Variants in RALGPS1 observed in about 807,000 individuals in gnomAD.
RALGPS1 encodes Ral GEF with PH domain and SH3 binding motif 1.
RALGPS1 carries 19 observed loss-of-function variants against 78.8 expected under a neutral mutation model. The ratio of observed to expected loss-of-function variants is 0.24; its 90% CI spans 0.17 to 0.35. The LOEUF is 0.35. Among genes scored for constraint, RALGPS1 ranks in the 10% least tolerant of loss-of-function variants. The pLI is 1.00. For missense variants in RALGPS1, 454 were observed against 688.3 expected (o/e 0.66, Z 3.81); for synonymous variants, 228 against 256.3 (o/e 0.89, Z 1.06).
chr9:126,931,422 G>A (rs1317413977), intron 1 of RALGPS1, among the ~76,000 whole-genome samples: 2 of 152,200 alleles, frequency 1.3e-5, no homozygotes, highest in Non-Finnish European at 2.9e-5. Flanking sequence ...TACATATAAA[G>A]GAGTATTATT....
At chr9:127,207,749 C>A (rs1009026139) in intron 14 of RALGPS1, among the ~76,000 whole-genome samples, 5 of 152,128 alleles carry the variant, frequency 3.3e-5, no homozygotes, top group Non-Finnish European at 7.4e-5. Context: ...GGAGGACTCA[C>A]CTGGAGGGAA....
At chr9:126,953,632 A>C (rs2038072825) in intron 1 of RALGPS1, among the ~76,000 whole-genome samples, 1 of 152,210 alleles carries the variant, frequency 6.6e-6, no homozygotes, top group Non-Finnish European at 1.5e-5. Flanking sequence ...CTTAATGTAT[A>C]TAAATCCTTT....
intron 1 of RALGPS1, among the ~76,000 whole-genome samples, chr9:126,953,119 A>G (rs2038016668): frequency 6.6e-6 from 1 of 152,138 alleles, no homozygotes; most frequent in African/African-American, 2.4e-5. Flanking sequence ...TGAAACGTTG[A>G]AGGAGAATTC....
chr9:127,125,810 G>A (rs1293366824), intron 8 of RALGPS1, among the ~76,000 whole-genome samples: 1 of 152,214 alleles, frequency 6.6e-6, no homozygotes, highest in Non-Finnish European at 1.5e-5. Flanking sequence ...ATCATTTAAT[G>A]TGTGACTTTT....
At chr9:127,197,763 C>A (rs2140627003) in intron 13 of RALGPS1, among the ~76,000 whole-genome samples, 1 of 152,260 alleles carries the variant, frequency 6.6e-6, no homozygotes, top group Non-Finnish European at 1.5e-5. Context: ...AGTTCCAGGT[C>A]ATGCATGGGG....
rs1301419758 is a variant in RALGPS1 at position 127,211,566 on chromosome 9, G to T, written c.1248-565G>T. Among the ~76,000 whole-genome samples, 2 of 152,158 alleles carry T rather than the reference G, an allele frequency of 1.3e-5. No individual in the cohort carries two copies. The highest frequency in any genetic ancestry group is 2.9e-5 in the Non-Finnish European group (2 of 68,016). ...TCCGGAGCTCAGGAGGGAGGTGTGG[G>T]CTGCCATGCCCTTGGACGCCTTCAT... On this transcript the variant is annotated intron_variant, in intron 14 of 18. Coordinates refer to ENST00000259351, the MANE Select transcript of RALGPS1 (RefSeq NM_014636.3). The surrounding 1 kb of genome is among the most constrained non-coding windows in gnomAD (Gnocchi z 5.0).
At chr9:127,189,005 A>C (rs1223321233) in intron 11 of RALGPS1, among the ~76,000 whole-genome samples, 157 of 144,296 alleles carry the variant, frequency 1.1e-3, no homozygotes, top group African/African-American at 3.6e-3. Context: ...CTCAAAAAAA[A>C]AAAAAAAAAA....
intron 8 of RALGPS1, among the ~76,000 whole-genome samples, chr9:127,123,293 T>G (rs184019488): frequency 6.6e-6 from 1 of 152,216 alleles, no homozygotes; most frequent in African/African-American, 2.4e-5. Context: ...AGGCTGAGGG[T>G]GGAGGCAGCC....
At chr9:127,213,120 T>C in intron 17 of RALGPS1, 71 bp downstream of exon 17, 1 of 1,590,806 alleles carries the variant, frequency 6.3e-7, no homozygotes, top group East Asian at 2.3e-5. Context: ...AGCGTGCATT[T>C]TGAAATTATT....
chr9:127,211,745 G>A lies in RALGPS1; in HGVS notation c.1248-386G>A, dbSNP rs2062273835. ...TCTGAGGCTCCTGCCAACACCAGAA[G>A]GAGGGGCTGCTGGAGCTGGGGCTTC... On this transcript the variant is annotated intron_variant, in intron 14 of 18. Transcript: ENST00000259351. This position sits in a 1 kb window ranked among gnomAD's most constrained non-coding sequence, Gnocchi z 5.0. Among the ~76,000 whole-genome samples the A allele has an allele frequency of 1.3e-5, 2 of 152,206 alleles. No homozygotes were observed. Among genetic ancestry groups the A allele is most frequent in the Non-Finnish European group, 2.9e-5 (2 of 68,024 alleles).
At chr9:127,184,118 G>T in intron 11 of RALGPS1, 1 of 1,451,556 alleles carries the variant, frequency 6.9e-7, no homozygotes, top group African/African-American at 1.4e-5. Flanking sequence ...TTGAGCCCAG[G>T]AGTTCAAGAC....
chr9:126,999,619 G>A (rs1375659406), intron 4 of RALGPS1, among the ~76,000 whole-genome samples: 1 of 152,124 alleles, frequency 6.6e-6, no homozygotes, highest in Non-Finnish European at 1.5e-5. Context: ...TTAGTAATAA[G>A]CATTTATGTT....
chr9:127,187,018 G>C (rs995047249), intron 11 of RALGPS1, among the ~76,000 whole-genome samples: 4 of 152,188 alleles, frequency 2.6e-5, no homozygotes, highest in African/African-American at 9.7e-5. Context: ...TGAGCAGGAA[G>C]GGCCGAAGAA....
At chr9:126,916,991 A>G (rs574727951) in intron 1 of RALGPS1, among the ~76,000 whole-genome samples, 3 of 151,998 alleles carry the variant, frequency 2.0e-5, no homozygotes, top group African/African-American at 4.8e-5. Context: ...AATGCCTCCT[A>G]CCTTCGTTGC....
Position 127,131,130 on chromosome 9 carries a change from G to A in RALGPS1, c.611-34939G>A, listed in dbSNP as rs138038821. Among the ~76,000 whole-genome samples the A allele has an allele frequency of 3.8e-3, 577 of 152,268 alleles. 4 individuals are homozygous for A. The highest frequency in any genetic ancestry group is 0.013 in the African/African-American group (547 of 41,556). On this transcript the variant is annotated intron_variant, in intron 8 of 18. Coordinates refer to ENST00000259351, the MANE Select transcript of RALGPS1 (RefSeq NM_014636.3). ...TGACTGTGGGCTGTGGGGGTGGAGG[G>A]CAATGTTGACAGGAGCCCTGTAAGC...
rs2060455405 is a variant in RALGPS1 at position 127,183,887 on chromosome 9, T to A, written c.910+9105T>A. 2.6e-6 allele frequency: 4 copies of A among 1,549,446 alleles called. No homozygotes were observed. The highest frequency in any genetic ancestry group is 1.7e-4 in the Middle Eastern group (1 of 6,014). The stretch of plus-strand genomic sequence containing the variant: ...TTGAGTCTCCCATCTCAGCAGCCTG[T>A]CACATCAAGGTCAAGCAGAAGAGGC... On this transcript the variant is annotated intron_variant, in intron 11 of 18. Coordinates refer to ENST00000259351, the MANE Select transcript of RALGPS1 (RefSeq NM_014636.3). This position sits in a 1 kb window ranked among gnomAD's most constrained non-coding sequence, Gnocchi z 4.0.
chr9:127,001,064 T>G (rs2043253083), intron 4 of RALGPS1, among the ~76,000 whole-genome samples: 3 of 150,210 alleles, frequency 2.0e-5, no homozygotes, highest in Non-Finnish European at 4.4e-5. Context: ...TGCTTGAGCC[T>G]AACATAGTGA....
intron 8 of RALGPS1, among the ~76,000 whole-genome samples, chr9:127,147,491 A>C (rs891989861): frequency 2.6e-5 from 4 of 152,184 alleles, no homozygotes; most frequent in Admixed American, 2.6e-4. Flanking sequence ...ATTGTCTTTT[A>C]GGACTTTTAA....
intron 8 of RALGPS1, among the ~76,000 whole-genome samples, chr9:127,160,133 C>T (rs922139612): frequency 1.3e-5 from 2 of 152,128 alleles, no homozygotes; most frequent in East Asian, 1.9e-4. Flanking sequence ...TGTGGGAAGC[C>T]CTGGTGCCAG....
Sources: gnomAD v4.1 joint callset for allele counts (sites outside exome capture counted in the v4.1 genomes callset) on GRCh38, gnomAD v4.1.1 for gene constraint, Gnocchi (gnomAD v3.1) non-coding constraint, MANE v1.5 for transcripts, NCBI Gene and HGNC (gene_info 2026-07-23, HGNC 2026-07-21) for gene names.